Variants in BEST2 observed in about 807,000 individuals in gnomAD.
The protein encoded by BEST2 is bestrophin 2.
In BEST2, 36 loss-of-function variants were observed where a neutral mutation model predicts 49.0. The ratio of observed to expected loss-of-function variants is 0.73; its 90% CI spans 0.56 to 0.97. BEST2 has a LOEUF of 0.97. Ranked by LOEUF, BEST2 falls within the 50% of genes least tolerant of loss-of-function variation. The probability of loss-of-function intolerance (pLI) is 0.00; values close to 1 mark genes in which losing one functional copy is unlikely to be tolerated. For synonymous variants in BEST2, 335 were observed against 304.4 expected (o/e 1.10, Z -1.05); for missense variants, 672 against 710.0 (o/e 0.95, Z 0.61).
In BEST2 at chr19:12,757,774, G is replaced by A. The variant is rs2145707647; in HGVS notation, c.1227G>A (p.Pro409=). ...GCGCGGGCATGGTCGCGGGAGGCCC[G>A]CTGGGCCGGCGCCTGTCCTTTCTAC... The part of the protein sequence containing the change: ...PAGAGMVAGG[P]LGRRLSFLLR... The change falls in exon 10 of 10, where the codon CCG becomes CCA. Residue 409 remains proline, a synonymous_variant. Coordinates refer to ENST00000553030, the MANE Select transcript of BEST2 (RefSeq NM_017682.3). 6.5e-7 allele frequency: 1 copy of A among 1,545,424 alleles called. No homozygotes were observed. Among genetic ancestry groups the A allele is most frequent in the Non-Finnish European group, 8.7e-7 (1 of 1,146,072 alleles).
At chr19:12,754,525 G>C (rs1235382255) in intron 3 of BEST2, 27 bp from the exon 4 acceptor site, 1 of 1,452,274 alleles carries the variant, frequency 6.9e-7, no homozygotes, top group Non-Finnish European at 9.2e-7. Context: ...TGTCCCCACT[G>C]AGCCCCCATT....
chr19:12,757,538 T>C (rs1043765625), intron 9 of BEST2, 113 bp from the exon 10 acceptor site: 3 of 1,206,926 alleles, frequency 2.5e-6, no homozygotes, highest in East Asian at 2.7e-5. Context: ...CTAAGATCTT[T>C]GGGGATAAGT....
chr19:12,754,864 C>G lies in BEST2; in HGVS notation c.482-13C>G, dbSNP rs1450171424. 2 of 1,608,776 alleles carry G rather than the reference C, an allele frequency of 1.2e-6. No homozygotes were observed. Among genetic ancestry groups the G allele is most frequent in the African/African-American group, 1.3e-5 (1 of 74,860 alleles). On this transcript the variant is annotated splice_polypyrimidine_tract_variant and intron_variant, in intron 4 of 9. Coordinates refer to ENST00000553030, the MANE Select transcript of BEST2 (RefSeq NM_017682.3). ...GGGCAAGGGGCGAGCTATCCCTGACCCCTTTCCTCCAGGGTTTATGACCCG... is the reference window on the plus strand; with the variant it reads ...GGGCAAGGGGCGAGCTATCCCTGACGCCTTTCCTCCAGGGTTTATGACCCG...
chr19:12,754,209 G>A (rs972239120), intron 3 of BEST2, among the ~76,000 whole-genome samples: 1 of 151,372 alleles, frequency 6.6e-6, no homozygotes. Context: ...CTGAATAGCT[G>A]AGACTACAGG....
In BEST2 at chr19:12,755,923, T is replaced by C. The variant is rs1967938540; in HGVS notation, c.936T>C (p.Asp312=). Residue 312 remains aspartate, a synonymous_variant, in exon 8 of 10, where the codon GAT becomes GAC. Coordinates refer to ENST00000553030, the MANE Select transcript of BEST2 (RefSeq NM_017682.3). This position sits in a 1 kb window ranked among gnomAD's most constrained non-coding sequence, Gnocchi z 4.4. ...DDDFETNFLI[D]RNFQVSMLAV... ...ACTTTGAGACCAACTTTCTGATCGA[T>C]AGAAACTTCCAGGTGAGACTCAGTT... 1 of 1,614,082 alleles carries C rather than the reference T, an allele frequency of 6.2e-7. No individual in the cohort carries two copies. Among genetic ancestry groups the C allele is most frequent in the Non-Finnish European group, 8.5e-7 (1 of 1,179,902 alleles).
At chr19:12,754,527 G>T in intron 3 of BEST2, 25 bp from the exon 4 acceptor site, 2 of 1,460,946 alleles carry the variant, frequency 1.4e-6, no homozygotes, top group Non-Finnish European at 1.8e-6. Flanking sequence ...TCCCCACTGA[G>T]CCCCCATTCC....
rs766443527 is a variant in BEST2, at chr19:12,754,549, C to A, written c.248-3C>A. The A allele has an allele frequency of 3.3e-6, 5 of 1,502,600 alleles. No individual in the cohort carries two copies. The highest frequency in any genetic ancestry group is 1.3e-5 in the South Asian group (1 of 78,358). 93.1% of individuals were successfully genotyped at this position (1,502,600 alleles called of 1,614,324 possible). On this transcript the variant is annotated splice_region_variant and splice_polypyrimidine_tract_variant and intron_variant, in intron 3 of 9. Transcript: ENST00000553030. ...TGAGCCCCCATTCCCCGCTCCCCTG[C>A]AGGCTTTTATGTGACGCTGGTGGTG...
At chr19:12,752,148 G>C (rs1487737577) in intron 1 of BEST2, among the ~76,000 whole-genome samples, 2 of 151,998 alleles carry the variant, frequency 1.3e-5, no homozygotes, top group African/African-American at 4.8e-5. Flanking sequence ...GGAGAAGGGG[G>C]AGCCAGAAAT....
Position 12,754,559 on chromosome 19 carries a change from T to A in BEST2, c.255T>A (p.Tyr85Ter). 6.6e-7 allele frequency: 1 copy of A among 1,519,908 alleles called. No individual in the cohort carries two copies. The highest frequency in any genetic ancestry group is 8.9e-7 in the Non-Finnish European group (1 of 1,125,536). 94.2% of individuals were successfully genotyped at this position (1,519,908 alleles called of 1,614,324 possible). The change falls in exon 4 of 10, where the codon TAT (tyrosine) becomes TAA (stop). Residue 85 changes from tyrosine to a stop codon, truncating the protein, a stop_gained. Coordinates refer to ENST00000553030, the MANE Select transcript of BEST2 (RefSeq NM_017682.3). LOFTEE classifies it high-confidence loss of function. ...TTCCCCGCTCCCCTGCAGGCTTTTATGTGACGCTGGTGGTGAACCGCTGGT... is the reference window on the plus strand; with the variant it reads ...TTCCCCGCTCCCCTGCAGGCTTTTAAGTGACGCTGGTGGTGAACCGCTGGT... ...LIPVSFVLGF[Y>*]VTLVVNRWWS...
rs1967936665 is a variant in BEST2 at position 12,755,810 on chromosome 19, C to T, written c.867+43C>T. 1 of 1,580,704 alleles carries T rather than the reference C, an allele frequency of 6.3e-7. No homozygotes were observed. The highest frequency in any genetic ancestry group is 1.3e-5 in the African/African-American group (1 of 74,392). On this transcript the variant is annotated intron_variant, in intron 7 of 9. Transcript: ENST00000553030. This position sits in a 1 kb window ranked among gnomAD's most constrained non-coding sequence, Gnocchi z 4.4. The stretch of plus-strand genomic sequence containing the variant: ...GCTGGAATTTCGTGGGTGGGGCGGG[C>T]ATGGGGTTCCCAAGTTTCCACCTAA...
intron 9 of BEST2, chr19:12,756,682 T>C: frequency 4.7e-6 from 1 of 210,630 alleles, no homozygotes; most frequent in South Asian, 7.4e-5. Flanking sequence ...CCCCCGTCTC[T>C]ACTAAAAATA....
Position 12,757,803 on chromosome 19 carries a change from G to T in BEST2, c.1256G>T (p.Arg419Leu), listed in dbSNP as rs758641980. 1.2e-5 allele frequency: 18 copies of T among 1,548,398 alleles called. No individual in the cohort carries two copies. In the South Asian group the frequency reaches 1.3e-4, roughly 11 times the overall value. The stretch of plus-strand genomic sequence containing the variant: ...GGCCGGCGCCTGTCCTTTCTACTCC[G>T]CAAGAACAGCTGCGTGTCGGAGGCG... The part of the protein sequence containing the change: ...PLGRRLSFLL[R>L]KNSCVSEAST... The change falls in exon 10 of 10, where the codon CGC becomes CTC. Residue 419 changes from arginine to leucine, a missense_variant. By Grantham distance (102) the Arg-to-Leu change is moderately radical. Around this residue, in one of 3 missense-constraint regions of BEST2, gnomAD observed 291 missense variants for 279.8 expected, o/e 1.04. Coordinates refer to ENST00000553030, the MANE Select transcript of BEST2 (RefSeq NM_017682.3).
In BEST2 at chr19:12,758,096, C is replaced by G. The variant is rs1477749431; in HGVS notation, c.*19C>G. On this transcript the variant is annotated 3_prime_UTR_variant, in exon 10 of 10. Coordinates refer to ENST00000553030, the MANE Select transcript of BEST2 (RefSeq NM_017682.3). ...GGCCTGAGATCTTAGAGCCCAGCCC[C>G]CTAAGGACAGGGAACCAGGTCCCTG... 1 of 1,610,168 alleles carries G rather than the reference C, an allele frequency of 6.2e-7. No homozygotes were observed. The highest frequency in any genetic ancestry group is 1.3e-5 in the African/African-American group (1 of 74,880).
intron 3 of BEST2, among the ~76,000 whole-genome samples, chr19:12,753,955 C>A (rs1351643952): frequency 6.6e-6 from 1 of 152,012 alleles, no homozygotes; most frequent in Non-Finnish European, 1.5e-5. Flanking sequence ...CAACAGTCTG[C>A]CCACGTGCCC....
chr19:12,757,892 G>A lies in BEST2; in HGVS notation c.1345G>A (p.Gly449Arg). ...PEGAAPECSC[G>R]DPLLDPGLPE... is the part of the protein sequence containing the mutation. ...AGGCGCGGCCCCGGAGTGCAGCTGC[G>A]GGGACCCGCTGCTCGACCCCGGCCT... The change falls in exon 10 of 10, where the codon GGG becomes AGG. Residue 449 changes from glycine (G) to arginine (R), a missense_variant. Around this residue, in one of 3 missense-constraint regions of BEST2, gnomAD observed 291 missense variants for 279.8 expected, o/e 1.04. Coordinates refer to ENST00000553030, the MANE Select transcript of BEST2 (RefSeq NM_017682.3). The A allele has an allele frequency of 1.3e-6, 2 of 1,552,146 alleles. No individual in the cohort carries two copies. The highest frequency in any genetic ancestry group is 1.7e-6 in the Non-Finnish European group (2 of 1,149,246).
rs1568352766 is a variant in BEST2, at chr19:12,755,127, C to T, written c.636+96C>T. 14 of 1,402,998 alleles carry T rather than the reference C, an allele frequency of 1.0e-5. No homozygotes were observed. The highest frequency in any genetic ancestry group is 1.3e-5 in the Non-Finnish European group (14 of 1,049,464). The allele number at this position is 1,402,998 out of a possible 1,614,324, so 86.9% of individuals were successfully genotyped here. ...GGCCCTCCAAGCACCCCCACGAGGC[C>T]GATTTCAAACACCCTCACCAGGTGC... is the stretch of plus-strand genomic sequence containing the variant. On this transcript the variant is annotated intron_variant, in intron 5 of 9. Coordinates refer to ENST00000553030, the MANE Select transcript of BEST2 (RefSeq NM_017682.3). This position sits in a 1 kb window ranked among gnomAD's most constrained non-coding sequence, Gnocchi z 4.4.
At position 12,755,380 on chromosome 19, in the gene BEST2, A is replaced by G. The variant is rs1259379657; in HGVS notation, c.638A>G (p.Glu213Gly). The change falls in exon 6 of 10, where the codon GAG becomes GGG. Residue 213 changes from glutamate (E) to glycine (G), a missense_variant and splice_region_variant. This residue lies in a region of BEST2 where 365 missense variants were observed against 390.9 expected (regional missense o/e 0.93). Coordinates refer to ENST00000553030, the MANE Select transcript of BEST2 (RefSeq NM_017682.3). The surrounding 1 kb of genome is among the most constrained non-coding windows in gnomAD (Gnocchi z 4.4). Reference protein sequence around the residue: ...DNSALKLLLEELNVFRGKCGM... With the variant: ...DNSALKLLLEGLNVFRGKCGM... ...CTCATGACCTGTATCCACCCCCAGG[A>G]GCTGAATGTTTTTCGGGGCAAATGT... 1.9e-6 allele frequency: 3 copies of G among 1,613,980 alleles called. No homozygotes were observed. The highest frequency in any genetic ancestry group is 1.7e-4 in the Middle Eastern group (1 of 6,060).
chr19:12,753,185 G>C, intron 2 of BEST2, 75 bp from the exon 3 acceptor site: 1 of 1,486,460 alleles, frequency 6.7e-7, no homozygotes, highest in East Asian at 2.3e-5. Context: ...CAGGGTGAGG[G>C]GCACAGCAAG....
Position 12,755,119 on chromosome 19 carries a change from C to A in BEST2, c.636+88C>A, listed in dbSNP as rs1209921054. ...TCAACGGCGGCCCTCCAAGCACCCC[C>A]ACGAGGCCGATTTCAAACACCCTCA... On this transcript the variant is annotated intron_variant, in intron 5 of 9. Transcript: ENST00000553030. This position sits in a 1 kb window ranked among gnomAD's most constrained non-coding sequence, Gnocchi z 4.4. 6.9e-7 allele frequency: 1 copy of A among 1,457,720 alleles called. No homozygotes were observed. The highest frequency in any genetic ancestry group is 1.4e-5 in the South Asian group (1 of 71,934). The allele number at this position is 1,457,720 out of a possible 1,614,324, so 90.3% of individuals were successfully genotyped here.
Sources: allele counts gnomAD v4.1 joint callset (sites outside exome capture counted in the v4.1 genomes callset), GRCh38; gene constraint gnomAD v4.1.1; regional missense constraint gnomAD v4.1.1; non-coding constraint Gnocchi (gnomAD v3.1); transcripts MANE v1.5; gene names NCBI Gene and HGNC (gene_info 2026-07-23, HGNC 2026-07-21).